Variants in CDH13 observed in about 807,000 individuals in gnomAD.
The protein encoded by CDH13 is cadherin-13.
In CDH13, 24 loss-of-function variants were observed where a neutral mutation model predicts 63.8. That is an observed-to-expected ratio of 0.38 (90% CI 0.27 to 0.53). The LOEUF (loss-of-function observed/expected upper bound fraction) is 0.53, where lower values mean the gene tolerates loss of function less well. Ranked by LOEUF, CDH13 falls within the 20% of genes least tolerant of loss-of-function variation. The pLI is 0.85. For synonymous variants in CDH13, 503 were observed against 355.3 expected (o/e 1.42, Z -4.67); for missense variants, 1,049 against 903.1 (o/e 1.16, Z -2.07).
intron 6 of CDH13, among the ~76,000 whole-genome samples, chr16:83,429,288 T>A (rs1264232501): frequency 6.6e-6 from 1 of 152,180 alleles, no homozygotes; most frequent in East Asian, 1.9e-4. Context: ...CAGGACACTC[T>A]TTGACCAATC....
At chr16:82,677,338 T>C (rs1400997324) in intron 1 of CDH13, among the ~76,000 whole-genome samples, 7 of 152,192 alleles carry the variant, frequency 4.6e-5, no homozygotes, top group African/African-American at 1.7e-4. Flanking sequence ...TTATACCTCT[T>C]CTTCCTAGCC....
intron 1 of CDH13, among the ~76,000 whole-genome samples, chr16:82,781,637 C>A (rs2035758947): frequency 6.6e-6 from 1 of 152,194 alleles, no homozygotes; most frequent in South Asian, 2.1e-4. Context: ...TTCAGCTATT[C>A]ATCTACCTAT....
chr16:83,763,735 C>T (rs1914163359), intron 11 of CDH13, among the ~76,000 whole-genome samples: 1 of 152,146 alleles, frequency 6.6e-6, no homozygotes, highest in Admixed American at 6.5e-5. Context: ...ATGACCCAGC[C>T]ATCATTCCGC....
At chr16:82,869,062 T>G (rs1436114620) in intron 2 of CDH13, among the ~76,000 whole-genome samples, 2 of 152,222 alleles carry the variant, frequency 1.3e-5, no homozygotes, top group Non-Finnish European at 2.9e-5. Flanking sequence ...ATCATTATTA[T>G]TTGAGATGGA....
intron 1 of CDH13, among the ~76,000 whole-genome samples, chr16:82,848,628 C>A (rs2039361219): frequency 6.6e-6 from 1 of 150,956 alleles, no homozygotes; most frequent in African/African-American, 2.4e-5. Context: ...AGATGCCAAA[C>A]TTAATTGATA....
intron 3 of CDH13, among the ~76,000 whole-genome samples, chr16:83,079,109 A>T (rs939725835): frequency 6.6e-6 from 1 of 152,132 alleles, no homozygotes; most frequent in Non-Finnish European, 1.5e-5. Context: ...TTTTTCATGC[A>T]TTGAAGTTCA....
intron 3 of CDH13, among the ~76,000 whole-genome samples, chr16:83,063,635 C>A: frequency 6.6e-6 from 1 of 152,180 alleles, no homozygotes; most frequent in East Asian, 1.9e-4. Flanking sequence ...TGTTGTTTAT[C>A]TCTACTAGTT....
chr16:83,314,334 A>G (rs747659176), intron 5 of CDH13, among the ~76,000 whole-genome samples: 5 of 152,134 alleles, frequency 3.3e-5, no homozygotes, highest in Non-Finnish European at 5.9e-5. Flanking sequence ...AGCTGATTAG[A>G]TAAATGTACA....
At chr16:83,148,094 C>G (rs373688517) in intron 4 of CDH13, among the ~76,000 whole-genome samples, 3 of 152,142 alleles carry the variant, frequency 2.0e-5, no homozygotes, top group African/African-American at 7.2e-5. Context: ...TGCGCCACCA[C>G]GCCTGGCTAA....
rs904422198 is a variant in CDH13 at position 82,722,421 on chromosome 16, A to T, written c.45+95284A>T. Reference sequence around the variant, plus strand: ...AATTTCACAACCCCAGCAGAGAGAGAGAGGGCTGCTATTACTGAACAGTCC... The same window carrying T: ...AATTTCACAACCCCAGCAGAGAGAGTGAGGGCTGCTATTACTGAACAGTCC... On this transcript the variant is annotated intron_variant, in intron 1 of 13. Transcript: ENST00000567109. Among the ~76,000 whole-genome samples the T allele has an allele frequency of 5.9e-5, 9 of 152,252 alleles. 1 individual carries two copies. In the South Asian group the frequency reaches 1.9e-3, roughly 32 times the overall value.
intron 1 of CDH13, among the ~76,000 whole-genome samples, chr16:82,781,792 G>C (rs1347108823): frequency 6.6e-6 from 1 of 152,128 alleles, no homozygotes; most frequent in African/African-American, 2.4e-5. Flanking sequence ...GTAATAAAGA[G>C]ACATATAAGT....
chr16:83,040,614 A>G (rs1372387323), intron 3 of CDH13, among the ~76,000 whole-genome samples: 1 of 152,188 alleles, frequency 6.6e-6, no homozygotes, highest in African/African-American at 2.4e-5. Context: ...CTGGCAGCTG[A>G]TTAGTTGATG....
intron 7 of CDH13, among the ~76,000 whole-genome samples, chr16:83,577,274 T>C (rs187144607): frequency 2.0e-5 from 3 of 152,316 alleles, no homozygotes; most frequent in Non-Finnish European, 4.4e-5. Flanking sequence ...CCTTCATGAT[T>C]TATGGATGAT....
chr16:83,720,122 C>T (rs1010533033), intron 10 of CDH13, among the ~76,000 whole-genome samples: 5 of 152,090 alleles, frequency 3.3e-5, no homozygotes, highest in South Asian at 2.1e-4. Context: ...AATTTGGGAC[C>T]GGGGTGCTGG....
chr16:83,088,528 C>A (rs961840632), intron 3 of CDH13, among the ~76,000 whole-genome samples: 2 of 152,158 alleles, frequency 1.3e-5, no homozygotes, highest in Non-Finnish European at 2.9e-5. Flanking sequence ...GTCCAAAAGC[C>A]GTTTCTGATA....
chr16:83,467,455 A>T (rs919805761), intron 6 of CDH13, among the ~76,000 whole-genome samples: 3 of 152,142 alleles, frequency 2.0e-5, no homozygotes, highest in Non-Finnish European at 4.4e-5. Context: ...CCTGGAGTGC[A>T]GACATCTTGA....
chr16:82,686,092 C>T (rs138678262), intron 1 of CDH13, among the ~76,000 whole-genome samples: 8 of 152,306 alleles, frequency 5.3e-5, no homozygotes, highest in African/African-American at 1.7e-4. Flanking sequence ...TCCACTTCCA[C>T]ACCCTTCTCA....
chr16:83,596,847 G>T (rs974213767), intron 7 of CDH13, among the ~76,000 whole-genome samples: 1 of 152,180 alleles, frequency 6.6e-6, no homozygotes, highest in South Asian at 2.1e-4. Context: ...TGTTCTCCTT[G>T]TGAAAGCAAT....
intron 7 of CDH13, among the ~76,000 whole-genome samples, chr16:83,520,032 T>C (rs971825930): frequency 6.6e-6 from 1 of 152,194 alleles, no homozygotes; most frequent in Non-Finnish European, 1.5e-5. Context: ...AACTTCATGA[T>C]ATAAATGTTC....
Sources: allele counts gnomAD v4.1 joint callset (sites outside exome capture counted in the v4.1 genomes callset), GRCh38; gene constraint gnomAD v4.1.1; transcripts MANE v1.5; gene names NCBI Gene and HGNC (gene_info 2026-07-23, HGNC 2026-07-21).